TTN: variants seen among roughly 807,000 people sequenced by gnomAD.
TTN encodes the protein connectin.
TTN carries 1,525 observed loss-of-function variants against 3,223.0 expected under a neutral mutation model. The ratio of observed to expected loss-of-function variants is 0.47; its 90% CI spans 0.45 to 0.49. The LOEUF (loss-of-function observed/expected upper bound fraction) is 0.49. Ranked by LOEUF, TTN falls within the 20% of genes least tolerant of loss-of-function variation. The pLI is 0.00. For missense variants in TTN, 40,786 were observed against 43,424.0 expected (o/e 0.94, Z 5.40); for synonymous variants, 14,094 against 15,161.0 (o/e 0.93, Z 5.17).
Position 178,672,235 on chromosome 2 carries a change from C to T in TTN, c.34963G>A (p.Ala11655Thr). 1 of 1,569,172 alleles carries T rather than the reference C, an allele frequency of 6.4e-7. No homozygotes were observed. Among genetic ancestry groups the T allele is most frequent in the Non-Finnish European group, 8.6e-7 (1 of 1,156,202 alleles). The change falls in exon 155 of 363, where the codon GCC becomes ACC. Residue 11655 changes from alanine to threonine, a missense_variant. Physicochemically the swap from Ala to Thr is moderately conservative, Grantham distance 58. Coordinates refer to ENST00000589042, the MANE Select transcript of TTN (RefSeq NM_001267550.2). ...RTVLEEKVSV[A>T]FRQEVVVKER... The stretch of plus-strand genomic sequence containing the variant: ...TTTACTACTACTTCTTGGCGGAAGG[C>T]AACTGATACTTTTTCTTCAAGGACA...
At chr2:178,762,482 G>A (rs777762935) in intron 43 of TTN, among the ~76,000 whole-genome samples, 3 of 151,982 alleles carry the variant, frequency 2.0e-5, no homozygotes, top group Non-Finnish European at 1.5e-5. Flanking sequence ...CACTTTAAAG[G>A]CAATACTACC....
At position 178,621,952 on chromosome 2, in the gene TTN, T is replaced by C. The variant is rs766807618; in HGVS notation, c.44970A>G (p.Ile14990Met). 3.1e-6 allele frequency: 5 copies of C among 1,611,404 alleles called. No individual in the cohort carries two copies. The Admixed American group carries it at 8.4e-5, about 27-fold the overall frequency. The change falls in exon 244 of 363, where the codon ATA (isoleucine) becomes ATG (methionine). Residue 14990 changes from isoleucine (I) to methionine (M), a missense_variant. Ile to Met is a conservative substitution (Grantham distance 10, BLOSUM62 1). Transcript: ENST00000589042. ...CAAGAATGCGCACTGCTCCCTTGGA[T>C]ATGATGTCATATTTTTTGCCCTTTT... Reference protein sequence around the residue: ...EIKKGKKYDIISKGAVRILVI... With the variant: ...EIKKGKKYDIMSKGAVRILVI...
chr2:178,625,255 A>C lies in TTN; in HGVS notation c.44548+18T>G, dbSNP rs561509314. ...GCCTCTGCCTTATACATGTTTTTAAAATAAGCCTTGTAATTACCTTTCACA... is the reference window on the plus strand; with the variant it reads ...GCCTCTGCCTTATACATGTTTTTAACATAAGCCTTGTAATTACCTTTCACA... On this transcript the variant is annotated intron_variant, in intron 241 of 362. Transcript: ENST00000589042. 6 of 1,603,428 alleles carry C rather than the reference A, an allele frequency of 3.7e-6. No homozygotes were observed. The highest frequency in any genetic ancestry group is 1.3e-5 in the African/African-American group (1 of 74,312).
chr2:178,727,554 A>G, intron 68 of TTN, 31 bp downstream of exon 68: 1 of 1,534,066 alleles, frequency 6.5e-7, no homozygotes, highest in Non-Finnish European at 8.7e-7. Flanking sequence ...ACACAGTCAG[A>G]CAGAAACATA....
In TTN at chr2:178,793,488, A is replaced by G. The variant is rs746610206; in HGVS notation, c.1452T>C (p.Asp484=). ...TAVTKVVVAA[D]KAKEQELKSR... is the part of the protein sequence containing the mutation. Reference sequence around the variant, plus strand: ...ATTTTAATTCTTGTTCCTTGGCTTTATCGGCGGCCACTACTACCTTAGTTA... The same window carrying G: ...ATTTTAATTCTTGTTCCTTGGCTTTGTCGGCGGCCACTACTACCTTAGTTA... Residue 484 remains aspartate (D), a synonymous_variant, in exon 9 of 363, where the codon GAT becomes GAC. Coordinates refer to ENST00000589042, the MANE Select transcript of TTN (RefSeq NM_001267550.2). The G allele has an allele frequency of 6.2e-7, 1 of 1,614,010 alleles. No homozygotes were observed. Among genetic ancestry groups the G allele is most frequent in the African/African-American group, 1.3e-5 (1 of 74,910 alleles).
chr2:178,677,577 CA>C (rs770601438), intron 146 of TTN, 43 bp downstream of exon 146: 1 of 1,544,494 alleles, frequency 6.5e-7, no homozygotes, highest in Admixed American at 2.1e-5. Context: ...AAGCAGAATT[CA>C]ACACAAAAGA....
intron 42 of TTN, 83 bp downstream of exon 42, chr2:178,764,444 T>C (rs148444179): frequency 5.0e-6 from 8 of 1,611,758 alleles, no homozygotes; most frequent in Non-Finnish European, 6.8e-6. Flanking sequence ...GAGCTCCAAA[T>C]TGTATTTTTA....
Position 178,641,274 on chromosome 2 carries a change from G to T in TTN, c.40600C>A (p.Pro13534Thr). 1 of 1,509,284 alleles carries T rather than the reference G, an allele frequency of 6.6e-7. No homozygotes were observed. The highest frequency in any genetic ancestry group is 2.5e-5 in the East Asian group (1 of 39,822). The allele number at this position is 1,509,284 out of a possible 1,614,324, so 93.5% of individuals were successfully genotyped here. A position where few individuals can be genotyped will look rare whatever the true frequency, so the allele number is the denominator to read the frequency against. Residue 13534 changes from proline to threonine, a missense_variant, in exon 220 of 363, where the codon CCT (proline) becomes ACT (threonine). Pro to Thr is a conservative substitution (Grantham distance 38). Coordinates refer to ENST00000589042, the MANE Select transcript of TTN (RefSeq NM_001267550.2). The stretch of plus-strand genomic sequence containing the variant: ...TTTTTAACTTTTTCTAGTTTTTTAG[G>T]TTCTACTTTAGGTTCTTCTTCTTCA... ...RPEEEEPKVE[P>T]KKLEKVKKPA...
At chr2:178,746,155 T>C (rs1057186477) in intron 47 of TTN, 17 of 1,613,240 alleles carry the variant, frequency 1.1e-5, no homozygotes, top group Admixed American at 1.7e-5. Flanking sequence ...ACATATATTC[T>C]TTATACCACT....
intron 278 of TTN, among the ~76,000 whole-genome samples, chr2:178,606,259 T>G (rs1425293610): frequency 6.6e-6 from 1 of 152,000 alleles, no homozygotes; most frequent in Non-Finnish European, 1.5e-5. Context: ...TCCATACTTG[T>G]TGACTGTTAT....
intron 6 of TTN, chr2:178,799,260 C>T (rs2093927328): frequency 1.6e-6 from 1 of 611,728 alleles, no homozygotes; most frequent in Non-Finnish European, 2.8e-6. Context: ...TATAAAAACC[C>T]CTGAGACCCT....
rs1002418895 is a variant in TTN at position 178,773,697 on chromosome 2, A to T, written c.7359T>A (p.Asp2453Glu). Reference sequence around the variant, plus strand: ...CCTTGGTGCCTTCAATCACATTAACATCTTTTAGAGGTGTTATCACGTCCA... The same window carrying T: ...CCTTGGTGCCTTCAATCACATTAACTTCTTTTAGAGGTGTTATCACGTCCA... ...YSVDVITPLKDVNVIEGTKAV... is the reference protein window; with the variant it reads ...YSVDVITPLKEVNVIEGTKAV... The change falls in exon 32 of 363, where the codon GAT (aspartate) becomes GAA (glutamate). Residue 2453 changes from aspartate to glutamate, a missense_variant. By Grantham distance (45) the Asp-to-Glu change is conservative. Transcript: ENST00000589042. 6.2e-7 allele frequency: 1 copy of T among 1,614,050 alleles called. No homozygotes were observed. Among genetic ancestry groups the T allele is most frequent in the Non-Finnish European group, 8.5e-7 (1 of 1,179,972 alleles).
At position 178,549,460 on chromosome 2, in the gene TTN, G is replaced by A; in HGVS notation, c.92166C>T (p.Ala30722=). ...VAQIQYTVPD[A]PGIPEPSNIT... is the part of the protein sequence containing the mutation. ...TGTTGCTAGGTTCTGGAATGCCAGGGGCATCAGGAACAGCTGTAAAACAAA... is the reference window on the plus strand; with the variant it reads ...TGTTGCTAGGTTCTGGAATGCCAGGAGCATCAGGAACAGCTGTAAAACAAA... The change falls in exon 339 of 363, where the codon GCC becomes GCT. Residue 30722 remains alanine (A), a synonymous_variant. Coordinates refer to ENST00000589042, the MANE Select transcript of TTN (RefSeq NM_001267550.2). 2 of 1,604,352 alleles carry A rather than the reference G, an allele frequency of 1.2e-6. No homozygotes were observed. Among genetic ancestry groups the A allele is most frequent in the Non-Finnish European group, 1.7e-6 (2 of 1,173,484 alleles).
Position 178,589,804 on chromosome 2 carries a change from G to A in TTN, c.61921C>T (p.Arg20641Ter), listed in dbSNP as rs878854324. The change falls in exon 304 of 363, where the codon CGA becomes TGA. Residue 20641 changes from arginine (R) to a stop codon, truncating the protein, a stop_gained. Transcript: ENST00000589042. LOFTEE classifies it high-confidence loss of function. ...NLLANNEYYF[R>*]VCAENKVGVG... is the part of the protein sequence containing the mutation. Reference sequence around the variant, plus strand: ...CCTACTTTATTCTCTGCACAAACTCGGAAATAGTATTCATTGTTGGCTAAA... The same window carrying A: ...CCTACTTTATTCTCTGCACAAACTCAGAAATAGTATTCATTGTTGGCTAAA... 1.2e-6 allele frequency: 2 copies of A among 1,613,380 alleles called. No individual in the cohort carries two copies. The highest frequency in any genetic ancestry group is 1.3e-5 in the African/African-American group (1 of 74,878).
At position 178,564,621 on chromosome 2, in the gene TTN, A is replaced by G. The variant is rs727504678; in HGVS notation, c.81511T>C (p.Cys27171Arg). The G allele has an allele frequency of 7.4e-6, 12 of 1,613,454 alleles. No individual in the cohort carries two copies. Among genetic ancestry groups the G allele is most frequent in the Admixed American group, 6.7e-5 (4 of 59,966 alleles). Reference sequence around the variant, plus strand: ...GCTTCAGGGCGACCAGGTGGGTCACATGGATCACGAGCAACAAAGCATTCT... The same window carrying G: ...GCTTCAGGGCGACCAGGTGGGTCACGTGGATCACGAGCAACAAAGCATTCT... ...VSECFVARDP[C>R]DPPGRPEAIV... The change falls in exon 326 of 363, where the codon TGT (cysteine) becomes CGT (arginine). Residue 27171 changes from cysteine to arginine, a missense_variant. Coordinates refer to ENST00000589042, the MANE Select transcript of TTN (RefSeq NM_001267550.2).
Position 178,578,187 on chromosome 2 carries a change from T to C in TTN, c.68330-2A>G, listed in dbSNP as rs776431150. On this transcript the variant is annotated splice_acceptor_variant, in intron 321 of 362. Transcript: ENST00000589042. LOFTEE classifies it high-confidence loss of function. ...TTTCCTTGAACTCGAGATGATACCC[T>C]ACAAAAGACCCAGGGATGTATCAAG... 6.2e-7 allele frequency: 1 copy of C among 1,609,540 alleles called. No homozygotes were observed. Among genetic ancestry groups the C allele is most frequent in the South Asian group, 1.1e-5 (1 of 90,666 alleles).
chr2:178,587,015 C>T (rs2049154501), intron 307 of TTN, 103 bp downstream of exon 307: 2 of 1,492,050 alleles, frequency 1.3e-6, no homozygotes, highest in Non-Finnish European at 1.8e-6. Flanking sequence ...TCGGTCTCTA[C>T]AAATGAAATC....
At position 178,569,128 on chromosome 2, in the gene TTN, A is replaced by G. The variant is rs759229581; in HGVS notation, c.77004T>C (p.Gly25668=). ...CTGTGACTCTAAAGTAATAACTGCA[A>G]CCTTCTTGGAGCTGATCGATTTTCC... The part of the protein sequence containing the change: ...NSWKIDQLQE[G]CSYYFRVTAE... Residue 25668 remains glycine (G), a synonymous_variant, in exon 326 of 363, where the codon GGT becomes GGC. Coordinates refer to ENST00000589042, the MANE Select transcript of TTN (RefSeq NM_001267550.2). 9 of 1,613,488 alleles carry G rather than the reference A, an allele frequency of 5.6e-6. No individual in the cohort carries two copies. The highest frequency in any genetic ancestry group is 7.6e-6 in the Non-Finnish European group (9 of 1,179,576).
At position 178,707,584 on chromosome 2, in the gene TTN, C is replaced by A. The variant is rs794727991; in HGVS notation, c.28983G>T (p.Val9661=). The A allele has an allele frequency of 2.5e-6, 4 of 1,613,878 alleles. No individual in the cohort carries two copies. The highest frequency in any genetic ancestry group is 3.4e-6 in the Non-Finnish European group (4 of 1,179,830). The change falls in exon 100 of 363, where the codon GTG becomes GTT. Residue 9661 remains valine, a synonymous_variant. Transcript: ENST00000589042. ...TTCCAGCCACATTTGAAGCTTTACA[C>A]ACATAATCTCCCGAATCTGCTTTAG... is the stretch of plus-strand genomic sequence containing the variant. ...DVAKADSGDY[V]CKASNVAGSD...
Sources: allele counts gnomAD v4.1 joint callset (sites outside exome capture counted in the v4.1 genomes callset), GRCh38; gene constraint gnomAD v4.1.1; transcripts MANE v1.5; gene names NCBI Gene and HGNC (gene_info 2026-07-23, HGNC 2026-07-21).